The following APP variants were observed in gnomAD, a reference collection of about 807,000 sequenced individuals.
The protein encoded by APP is amyloid-beta precursor protein.
A neutral mutation model predicts 101.4 loss-of-function variants in APP; 31 were observed. The observed-to-expected ratio is 0.31, with a 90% CI of 0.23 to 0.41. The LOEUF is 0.41. APP is among the 10% of genes least tolerant of loss of function. APP has a pLI of 1.00. For synonymous variants in APP, 366 were observed against 364.4 expected (o/e 1.00, Z -0.05); for missense variants, 839 against 1,003.7 (o/e 0.84, Z 2.22).
At position 26,116,391 on chromosome 21, in the gene APP, G is replaced by A. The variant is rs1445175149; in HGVS notation, c.58-4245C>T. On this transcript the variant is annotated intron_variant, in intron 1 of 17. Transcript: ENST00000346798. ...AGAGGCTTAAGGGGATAACATAAAC[G>A]AATATAAACATATATACCTAATCTG... is the stretch of plus-strand genomic sequence containing the variant. Among the ~76,000 whole-genome samples the A allele has an allele frequency of 7.9e-5, 12 of 152,246 alleles. No individual in the cohort carries two copies. In the East Asian group the frequency reaches 1.9e-3, roughly 24 times the overall value.
At chr21:26,163,379 C>G (rs970353781) in intron 1 of APP, among the ~76,000 whole-genome samples, 4 of 151,814 alleles carry the variant, frequency 2.6e-5, no homozygotes, top group African/African-American at 9.7e-5. Flanking sequence ...TTAAGAGATT[C>G]AAACACTGTT....
At chr21:26,031,634 T>A (rs1377216125) in intron 5 of APP, among the ~76,000 whole-genome samples, 2 of 151,998 alleles carry the variant, frequency 1.3e-5, no homozygotes, top group African/African-American at 4.8e-5. Context: ...ACCCATGAGA[T>A]CTTGTGAGAC....
chr21:26,075,446 A>G (rs1011903887), intron 3 of APP, among the ~76,000 whole-genome samples: 2 of 152,180 alleles, frequency 1.3e-5, no homozygotes, highest in Non-Finnish European at 2.9e-5. Flanking sequence ...TTACCCTACA[A>G]GTTTGCTAGT....
intron 9 of APP, among the ~76,000 whole-genome samples, chr21:25,977,364 A>T (rs1481960377): frequency 6.6e-6 from 1 of 152,196 alleles, no homozygotes; most frequent in Non-Finnish European, 1.5e-5. Flanking sequence ...TTGGTGCCAG[A>T]TGTGTACTTG....
At chr21:26,114,207 A>G (rs1396425967) in intron 1 of APP, among the ~76,000 whole-genome samples, 1 of 152,196 alleles carries the variant, frequency 6.6e-6, no homozygotes, top group Non-Finnish European at 1.5e-5. Flanking sequence ...TGTCTAAGGA[A>G]AGCGTTCTAC....
At chr21:26,072,436 GT>G (rs1291080191) in intron 3 of APP, among the ~76,000 whole-genome samples, 1 of 151,918 alleles carries the variant, frequency 6.6e-6, no homozygotes, top group African/African-American at 2.4e-5. Context: ...GACCACATCT[GT>G]TTTTTTAAAA....
intron 17 of APP, among the ~76,000 whole-genome samples, chr21:25,887,179 A>G (rs370950022): frequency 6.6e-6 from 1 of 152,174 alleles, no homozygotes; most frequent in Non-Finnish European, 1.5e-5. Context: ...AAGAGCTACA[A>G]TACGTATTTT....
intron 11 of APP, among the ~76,000 whole-genome samples, chr21:25,969,908 G>GAA (rs1385369698): frequency 7.7e-6 from 1 of 130,316 alleles, no homozygotes; most frequent in African/African-American, 3.2e-5. Context: ...GAAGAGAAGA[G>GAA]GGGAGGGGAA....
In APP at chr21:25,956,241, C is replaced by T. The variant is rs535480836; in HGVS notation, c.1459-486G>A. 3.2e-4 allele frequency among the ~76,000 whole-genome samples: 48 copies of T among 152,254 alleles called. No individual in the cohort carries two copies. In the South Asian group the frequency reaches 5.2e-3, roughly 16 times the overall value. ...GGAAATTTAACCACTATTTTGTAAG[C>T]CAAGGAGTAACTGAACTGTAAGAGA... On this transcript the variant is annotated intron_variant, in intron 11 of 17. Coordinates refer to ENST00000346798, the MANE Select transcript of APP (RefSeq NM_000484.4).
rs1276242049 is a variant in APP, at chr21:25,903,739, G to A, written c.1963+1285C>T. The stretch of plus-strand genomic sequence containing the variant: ...TTCCCTTACATGACATTGACAATAA[G>A]GAGGACATTAGAAGAACTGAAACTG... On this transcript the variant is annotated intron_variant, in intron 15 of 17. Coordinates refer to ENST00000346798, the MANE Select transcript of APP (RefSeq NM_000484.4). Among the ~76,000 whole-genome samples the A allele has an allele frequency of 2.0e-5, 3 of 152,164 alleles. No homozygotes were observed. The East Asian group carries it at 5.8e-4, about 29-fold the overall frequency.
chr21:26,081,603 G>A (rs2061600629), intron 3 of APP, among the ~76,000 whole-genome samples: 1 of 152,184 alleles, frequency 6.6e-6, no homozygotes. Context: ...GGCCATCTGG[G>A]CGAATACGTG....
intron 5 of APP, among the ~76,000 whole-genome samples, chr21:26,031,648 T>C (rs1249798410): frequency 1.3e-5 from 2 of 152,254 alleles, no homozygotes; most frequent in African/African-American, 2.4e-5. Context: ...GTGAGACTTA[T>C]TCATTATCGC....
intron 13 of APP, among the ~76,000 whole-genome samples, chr21:25,939,074 C>T (rs1345359763): frequency 6.6e-6 from 1 of 152,244 alleles, no homozygotes; most frequent in African/African-American, 2.4e-5. Context: ...ACATGAGGAA[C>T]TCCTTGGGCC....
chr21:26,056,106 T>C (rs2046030481), intron 3 of APP, among the ~76,000 whole-genome samples: 1 of 152,218 alleles, frequency 6.6e-6, no homozygotes, highest in Non-Finnish European at 1.5e-5. Flanking sequence ...GTTGGATCAA[T>C]GGCTCACTGC....
chr21:25,954,515 A>C, intron 13 of APP, 75 bp downstream of exon 13: 3 of 1,250,352 alleles, frequency 2.4e-6, no homozygotes, highest in Non-Finnish European at 3.5e-6. Context: ...CCTCAAACAG[A>C]TAACTCACTT....
intron 14 of APP, 87 bp downstream of exon 14, chr21:25,911,654 C>A: frequency 1.6e-6 from 2 of 1,261,322 alleles, no homozygotes; most frequent in Non-Finnish European, 2.3e-6. Flanking sequence ...CAAGAACATA[C>A]AAAAGATAAC....
chr21:26,136,955 C>T (rs1489623296), intron 1 of APP, among the ~76,000 whole-genome samples: 1 of 152,084 alleles, frequency 6.6e-6, no homozygotes, highest in Admixed American at 6.6e-5. Context: ...TGCAGTGGCG[C>T]GATCTCTGCT....
chr21:26,148,217 A>G (rs1027526214), intron 1 of APP, among the ~76,000 whole-genome samples: 2 of 152,192 alleles, frequency 1.3e-5, no homozygotes, highest in Non-Finnish European at 2.9e-5. Context: ...GTAAACAATT[A>G]TTTCAATGAG....
At chr21:26,037,008 G>A (rs1287956778) in intron 5 of APP, among the ~76,000 whole-genome samples, 2 of 152,150 alleles carry the variant, frequency 1.3e-5, no homozygotes, top group Non-Finnish European at 2.9e-5. Context: ...GTCCGTGCGT[G>A]CATGCACGTA....
Sources: gnomAD v4.1 joint callset for allele counts (sites outside exome capture counted in the v4.1 genomes callset) on GRCh38, gnomAD v4.1.1 for gene constraint, MANE v1.5 for transcripts, NCBI Gene and HGNC (gene_info 2026-07-23, HGNC 2026-07-21) for gene names.